SKIL: variants seen among roughly 807,000 people sequenced by gnomAD.
SKIL encodes SKI like proto-oncogene, also known as ski-like protein.
SKIL carries 20 observed loss-of-function variants against 69.6 expected under a neutral mutation model. The ratio of observed to expected loss-of-function variants is 0.29; its 90% CI spans 0.20 to 0.42. The LOEUF is 0.42. SKIL is among the 10% of genes least tolerant of loss of function. The pLI is 1.00. For missense variants in SKIL, 745 were observed against 783.1 expected, an observed-to-expected ratio of 0.95 and a Z score of 0.58; for synonymous variants, 310 against 279.9, an observed-to-expected ratio of 1.11 and a Z score of -1.08.
chr3:170,378,551 CTCTT>C (rs1737153053), intron 2 of SKIL, among the ~76,000 whole-genome samples: 2 of 48,518 alleles, frequency 4.1e-5, no homozygotes, highest in Admixed American at 4.9e-4. Context: ...CTCTCTCTCT[CTCTT>C]TTTTTTTTTT....
intron 2 of SKIL, among the ~76,000 whole-genome samples, chr3:170,376,565 G>A (rs764660535): frequency 1.3e-5 from 2 of 152,024 alleles, no homozygotes; most frequent in African/African-American, 4.8e-5. Flanking sequence ...GCTATGTCAC[G>A]TTGACTCAAG....
chr3:170,369,914 A>G (rs1016669941), intron 2 of SKIL, among the ~76,000 whole-genome samples: 3 of 152,134 alleles, frequency 2.0e-5, no homozygotes, highest in African/African-American at 7.2e-5. Flanking sequence ...AAGCAAAAGA[A>G]TATATAAACA....
intron 4 of SKIL, 57 bp from the exon 5 acceptor site, chr3:170,390,166 T>C (rs771586904): frequency 1.3e-4 from 158 of 1,251,184 alleles, no homozygotes; most frequent in Non-Finnish European, 1.6e-4. Flanking sequence ...ATTGTTCTAG[T>C]GATTTTTTTA....
intron 2 of SKIL, among the ~76,000 whole-genome samples, chr3:170,365,195 G>C (rs989745905): frequency 6.6e-6 from 1 of 152,164 alleles, no homozygotes; most frequent in African/African-American, 2.4e-5. Flanking sequence ...TGAGTCACAT[G>C]CTCCTGGTTG....
In SKIL at chr3:170,395,163, C is replaced by G. The variant is rs867929954; in HGVS notation, c.*2746C>G. On this transcript the variant is annotated 3_prime_UTR_variant, in exon 7 of 7. Transcript: ENST00000259119. ...GTGGCGATAGTTTCTGTAGGCTAAA[C>G]TTTATGAGAAAAGTGTACCTACTCT... is the stretch of plus-strand genomic sequence containing the variant. The G allele has an allele frequency of 6.6e-6, 1 of 152,110 alleles. No homozygotes were observed. The highest frequency in any genetic ancestry group is 6.6e-5 in the Admixed American group (1 of 15,262). The allele number at this position is 152,110 out of a possible 1,614,324, so 9.4% of individuals were successfully genotyped here.
In SKIL at chr3:170,392,756, G is replaced by T; in HGVS notation, c.*339G>T. On this transcript the variant is annotated 3_prime_UTR_variant, in exon 7 of 7. Transcript: ENST00000259119. Reference sequence around the variant, plus strand: ...GCAATATGTGTTGGAAAATAGCTGTGGTCAATTTTGTTATCCATATTTCAG... The same window carrying T: ...GCAATATGTGTTGGAAAATAGCTGTTGTCAATTTTGTTATCCATATTTCAG... The T allele has an allele frequency of 6.3e-6, 1 of 157,522 alleles. No homozygotes were observed. The highest frequency in any genetic ancestry group is 1.4e-5 in the Non-Finnish European group (1 of 71,764). The allele number at this position is 157,522 out of a possible 1,614,324, so 9.8% of individuals were successfully genotyped here. A position where few individuals can be genotyped will look rare whatever the true frequency, so the allele number is the denominator to read the frequency against.
chr3:170,383,326 C>A (rs931189487), intron 3 of SKIL, among the ~76,000 whole-genome samples: 1 of 152,044 alleles, frequency 6.6e-6, no homozygotes, highest in South Asian at 2.1e-4. Flanking sequence ...GAGATTTTGG[C>A]TCAAAAATGG....
chr3:170,360,240 A>G lies in SKIL; in HGVS notation c.-92A>G. 8.1e-7 allele frequency: 1 copy of G among 1,237,362 alleles called. No individual in the cohort carries two copies. The highest frequency in any genetic ancestry group is 1.6e-5 in the South Asian group (1 of 62,036). 76.6% of individuals were successfully genotyped at this position (1,237,362 alleles called of 1,614,324 possible). ...AGTTTGAGAGTAAGTTACGATAGGC[A>G]TTTGTATCCATTCATTACTTTCCTC... On this transcript the variant is annotated 5_prime_UTR_variant, in exon 2 of 7. Transcript: ENST00000259119.
intron 2 of SKIL, among the ~76,000 whole-genome samples, chr3:170,367,284 A>AT (rs891141794): frequency 3.3e-5 from 5 of 150,846 alleles, no homozygotes; most frequent in African/African-American, 9.8e-5. Flanking sequence ...AATTTTTTCT[A>AT]TTTTTTTAGT....
chr3:170,361,426 C>T lies in SKIL; in HGVS notation c.1095C>T (p.Ser365=). The change falls in exon 2 of 7, where the codon TCC becomes TCT. Residue 365 remains serine (S), a synonymous_variant. Coordinates refer to ENST00000259119, the MANE Select transcript of SKIL (RefSeq NM_005414.5). ...FSMRSGKRNQ[S]KTDAPSGMEL... The stretch of plus-strand genomic sequence containing the variant: ...TGAGAAGTGGAAAGAGAAATCAATC[C>T]AAGGCAAGTTTTTTATATCAATTTT... 6.4e-7 allele frequency: 1 copy of T among 1,554,840 alleles called. No homozygotes were observed. Among genetic ancestry groups the T allele is most frequent in the Non-Finnish European group, 8.6e-7 (1 of 1,156,886 alleles).
rs1560224797 is a variant in SKIL, at chr3:170,394,114, A to ATTTTTTTTTTTTT, written c.*1697_*1698insTTTTTTTTTTTTT. ...AATATTAAAATGACATGTAGAAACA[A>ATTTTTTTTTTTTT]ATTTTTTTTTTTTTTTTTTTTTTTT... On this transcript the variant is annotated 3_prime_UTR_variant, in exon 7 of 7. Coordinates refer to ENST00000259119, the MANE Select transcript of SKIL (RefSeq NM_005414.5). 3 of 131,666 alleles carry ATTTTTTTTTTTTT rather than the reference A, an allele frequency of 2.3e-5. No individual in the cohort carries two copies. The highest frequency in any genetic ancestry group is 6.2e-5 in the African/African-American group (2 of 32,372). The allele number at this position is 131,666 out of a possible 1,614,324, so 8.2% of individuals were successfully genotyped here.
chr3:170,371,462 G>A (rs1462977372), intron 2 of SKIL, among the ~76,000 whole-genome samples: 2 of 152,154 alleles, frequency 1.3e-5, no homozygotes, highest in African/African-American at 2.4e-5. Flanking sequence ...AGCGGAGATC[G>A]TGCTACTGCA....
chr3:170,378,917 C>T (rs1737188809), intron 2 of SKIL, among the ~76,000 whole-genome samples: 1 of 151,602 alleles, frequency 6.6e-6, no homozygotes, highest in Non-Finnish European at 1.5e-5. Flanking sequence ...GGCTCAGTTG[C>T]CCAGGCTGGA....
chr3:170,390,562 C>T lies in SKIL; in HGVS notation c.1671+98C>T, dbSNP rs1414483838. ...AGTGCAGTGGCGCAGTCTCAGCTCA[C>T]TGAAACCTCCACCTCACAGGTTCAA... is the stretch of plus-strand genomic sequence containing the variant. On this transcript the variant is annotated intron_variant, in intron 5 of 6. Coordinates refer to ENST00000259119, the MANE Select transcript of SKIL (RefSeq NM_005414.5). The T allele has an allele frequency of 5.6e-6, 5 of 892,110 alleles. No homozygotes were observed. The African/African-American group carries it at 8.4e-5, about 15-fold the overall frequency. 55.3% of individuals were successfully genotyped at this position (892,110 alleles called of 1,614,324 possible).
chr3:170,377,592 A>G lies in SKIL; in HGVS notation c.1099-3652A>G, dbSNP rs1577428770. Among the ~76,000 whole-genome samples the G allele has an allele frequency of 2.5e-5, 3 of 118,556 alleles. No individual in the cohort carries two copies. In the Admixed American group the frequency reaches 3.6e-4, roughly 14 times the overall value. The allele number at this position is 118,556 out of a possible 152,430, so 77.8% of individuals were successfully genotyped here. ...GAGACAGAGTCTCACTCTGTCACCCAGGCTGGAGTGCAGTGGCACGATCTC... is the reference window on the plus strand; with the variant it reads ...GAGACAGAGTCTCACTCTGTCACCCGGGCTGGAGTGCAGTGGCACGATCTC... On this transcript the variant is annotated intron_variant, in intron 2 of 6. Coordinates refer to ENST00000259119, the MANE Select transcript of SKIL (RefSeq NM_005414.5).
chr3:170,360,423 A>G lies in SKIL; in HGVS notation c.92A>G (p.Lys31Arg). 6.2e-7 allele frequency: 1 copy of G among 1,613,614 alleles called. No individual in the cohort carries two copies. Among genetic ancestry groups the G allele is most frequent in the South Asian group, 1.1e-5 (1 of 91,020 alleles). Residue 31 changes from lysine (K) to arginine (R), a missense_variant, in exon 2 of 7, where the codon AAA becomes AGA. Lys to Arg is a conservative substitution (Grantham distance 26, BLOSUM62 2). Coordinates refer to ENST00000259119, the MANE Select transcript of SKIL (RefSeq NM_005414.5). ...MGDDGSPPAK[K>R]MITDIHANGK... ...GATGATGGCAGCCCCCCAGCGAAAA[A>G]AATGATAACGGACATTCATGCAAAT... is the stretch of plus-strand genomic sequence containing the variant.
At chr3:170,376,342 T>A (rs955248355) in intron 2 of SKIL, among the ~76,000 whole-genome samples, 9 of 152,158 alleles carry the variant, frequency 5.9e-5, no homozygotes, top group African/African-American at 1.9e-4. Flanking sequence ...CCACTGTTCC[T>A]GCCCTCAAAC....
intron 4 of SKIL, among the ~76,000 whole-genome samples, chr3:170,388,240 T>G (rs1737747680): frequency 6.6e-6 from 1 of 152,222 alleles, no homozygotes; most frequent in South Asian, 2.1e-4. Flanking sequence ...GGTTTTAATT[T>G]GCAATTTCTC....
In SKIL at chr3:170,360,253, CATTA is replaced by C; in HGVS notation, c.-78_-75del. On this transcript the variant is annotated 5_prime_UTR_variant, in exon 2 of 7. Transcript: ENST00000259119. ...GTTACGATAGGCATTTGTATCCATT[CATTA>C]CTTTCCTCTTTTCAAATAAGCAACT... 7.6e-7 allele frequency: 1 copy of C among 1,320,734 alleles called. No homozygotes were observed. The highest frequency in any genetic ancestry group is 2.5e-5 in the Admixed American group (1 of 39,722). The allele number at this position is 1,320,734 out of a possible 1,614,324, so 81.8% of individuals were successfully genotyped here. A position where few individuals can be genotyped will look rare whatever the true frequency, so the allele number is the denominator to read the frequency against.
Sources: allele counts gnomAD v4.1 joint callset (sites outside exome capture counted in the v4.1 genomes callset), GRCh38; gene constraint gnomAD v4.1.1; transcripts MANE v1.5; gene names NCBI Gene and HGNC (gene_info 2026-07-23, HGNC 2026-07-21).